GRAMD2B: variants seen among roughly 807,000 people sequenced by gnomAD.
GRAMD2B encodes GRAM domain containing 2B.
A neutral mutation model predicts 59.2 loss-of-function variants in GRAMD2B; 41 were observed. The ratio of observed to expected loss-of-function variants is 0.69; its 90% CI spans 0.54 to 0.90. The LOEUF (loss-of-function observed/expected upper bound fraction) is 0.90. Among genes scored for constraint, GRAMD2B ranks in the 40% least tolerant of loss-of-function variants. The pLI, the probability that GRAMD2B is intolerant of heterozygous loss-of-function variation, is 0.00. For missense variants in GRAMD2B, 424 were observed against 500.5 expected (o/e 0.85, Z 1.46); for synonymous variants, 161 against 182.7 (o/e 0.88, Z 0.96).
intron 1 of GRAMD2B, among the ~76,000 whole-genome samples, chr5:126,405,548 T>C (rs1758194074): frequency 6.6e-6 from 1 of 151,962 alleles, no homozygotes; most frequent in Non-Finnish European, 1.5e-5. Context: ...CCCCACTCCC[T>C]TTCTTTTGCT....
At position 126,410,614 on chromosome 5, in the gene GRAMD2B, A is replaced by G. The variant is rs1161235117; in HGVS notation, c.125+39047A>G. ...GCTGAAACAATGGGGTTTTCTAGAT[A>G]TACAATCATGTTATCTGGTAGTTCT... On this transcript the variant is annotated intron_variant, in intron 1 of 8. Coordinates refer to the GRAMD2B transcript ENST00000506445. 3.3e-5 allele frequency among the ~76,000 whole-genome samples: 5 copies of G among 152,122 alleles called. No individual in the cohort carries two copies. The East Asian group carries it at 9.7e-4, about 29-fold the overall frequency.
intron 1 of GRAMD2B, chr5:126,465,019 G>C (rs965330505): frequency 1.5e-5 from 15 of 996,440 alleles, no homozygotes; most frequent in Middle Eastern, 5.0e-4. Flanking sequence ...GCAAACAAAA[G>C]GGGTGGGGGT....
At chr5:126,445,276 C>A (rs1316897757) in intron 1 of GRAMD2B, among the ~76,000 whole-genome samples, 6 of 152,172 alleles carry the variant, frequency 3.9e-5, no homozygotes, top group Non-Finnish European at 8.8e-5. Flanking sequence ...TTGCCACACT[C>A]TCTTCCACAA....
At chr5:126,433,007 C>T (rs1262716981) in intron 1 of GRAMD2B, among the ~76,000 whole-genome samples, 1 of 152,176 alleles carries the variant, frequency 6.6e-6, no homozygotes, top group Non-Finnish European at 1.5e-5. Flanking sequence ...CCATGGGTAC[C>T]ATGCTAAGTG....
chr5:126,472,995 A>G (rs1054840241), intron 4 of GRAMD2B, among the ~76,000 whole-genome samples: 2 of 152,198 alleles, frequency 1.3e-5, no homozygotes, highest in Non-Finnish European at 2.9e-5. Flanking sequence ...AATAGAGGAG[A>G]CTTGTAAGAC....
At chr5:126,431,255 ATTG>A (rs1761534990) in intron 1 of GRAMD2B, among the ~76,000 whole-genome samples, 1 of 152,212 alleles carries the variant, frequency 6.6e-6, no homozygotes, top group Admixed American at 6.5e-5. Context: ...ATCTCGTGAG[ATTG>A]TTATGATTAA....
intron 1 of GRAMD2B, among the ~76,000 whole-genome samples, chr5:126,413,300 G>T (rs1474711171): frequency 3.9e-5 from 6 of 151,984 alleles, no homozygotes; most frequent in East Asian, 1.9e-4. Flanking sequence ...TTGGTATGTT[G>T]TGTCTCTGTT....
At chr5:126,407,301 A>G (rs1210707760) in intron 1 of GRAMD2B, among the ~76,000 whole-genome samples, 1 of 151,978 alleles carries the variant, frequency 6.6e-6, no homozygotes, top group African/African-American at 2.4e-5. Flanking sequence ...GACATGTGTT[A>G]AGATTGAAAA....
intron 1 of GRAMD2B, among the ~76,000 whole-genome samples, chr5:126,397,778 G>C (rs1330347470): frequency 4.6e-5 from 7 of 152,098 alleles, no homozygotes; most frequent in African/African-American, 1.4e-4. Context: ...TAGTTTGCTA[G>C]TTGAAAATTT....
intron 1 of GRAMD2B, among the ~76,000 whole-genome samples, chr5:126,413,184 G>C (rs1382527934): frequency 6.6e-6 from 1 of 151,792 alleles, no homozygotes; most frequent in Admixed American, 6.6e-5. Context: ...AGTTTCCCTG[G>C]GGGTGATGTT....
chr5:126,412,760 GT>G (rs949060410), intron 1 of GRAMD2B, among the ~76,000 whole-genome samples: 3 of 151,890 alleles, frequency 2.0e-5, no homozygotes, highest in Non-Finnish European at 2.9e-5. Context: ...TGATTGGTAG[GT>G]TTTTTATTAC....
chr5:126,465,627 A>G, intron 2 of GRAMD2B, 82 bp downstream of exon 2: 1 of 1,262,536 alleles, frequency 7.9e-7, no homozygotes. Context: ...TTTTTTGTTA[A>G]GAGTGAGGAT....
At chr5:126,390,593 T>A (rs1012050013) in intron 1 of GRAMD2B, among the ~76,000 whole-genome samples, 2 of 152,226 alleles carry the variant, frequency 1.3e-5, no homozygotes, top group Non-Finnish European at 2.9e-5. Flanking sequence ...CTGTCAGGAT[T>A]TTTTATGCTG....
chr5:126,453,661 G>C (rs966224021), intron 1 of GRAMD2B, among the ~76,000 whole-genome samples: 11 of 152,172 alleles, frequency 7.2e-5, no homozygotes, highest in Admixed American at 7.2e-4. Flanking sequence ...TGTGAAGTTA[G>C]TTTGATGAAA....
At chr5:126,438,510 C>T (rs1446441545) in intron 1 of GRAMD2B, among the ~76,000 whole-genome samples, 1 of 152,078 alleles carries the variant, frequency 6.6e-6, no homozygotes, top group Admixed American at 6.6e-5. Flanking sequence ...CTTCAAGTTT[C>T]AGTTTTCTTA....
intron 13 of GRAMD2B, chr5:126,490,440 C>A (rs1773708780): frequency 6.6e-6 from 1 of 152,268 alleles, no homozygotes; most frequent in African/African-American, 2.4e-5. Context: ...AGGTCTTGTG[C>A]AGGGTTCAGA....
rs575498862 is a variant in GRAMD2B, at chr5:126,486,575, C to T, written c.1059-298C>T. Among the ~76,000 whole-genome samples, 53 of 152,198 alleles carry T rather than the reference C, an allele frequency of 3.5e-4. 1 individual carries two copies. Among genetic ancestry groups the T allele is most frequent in the African/African-American group, 1.3e-3 (52 of 41,528 alleles). On this transcript the variant is annotated intron_variant, in intron 11 of 13. Transcript: ENST00000285689. ...CTCTTCTGGCAGAGGACGGTAGTACCGCAGGGAGGAGGAACACTGGCTTGG... is the reference window on the plus strand; with the variant it reads ...CTCTTCTGGCAGAGGACGGTAGTACTGCAGGGAGGAGGAACACTGGCTTGG...
At chr5:126,413,149 C>T (rs1758964245) in intron 1 of GRAMD2B, among the ~76,000 whole-genome samples, 1 of 151,800 alleles carries the variant, frequency 6.6e-6, no homozygotes, top group Non-Finnish European at 1.5e-5. Flanking sequence ...CTTCTAGTAA[C>T]TTAGGGTTTT....
chr5:126,487,624 G>A (rs1773191305), intron 12 of GRAMD2B, among the ~76,000 whole-genome samples: 2 of 152,176 alleles, frequency 1.3e-5, no homozygotes, highest in African/African-American at 4.8e-5. Flanking sequence ...TTGAAGTAGA[G>A]ATATTTCCTG....
Sources: gnomAD v4.1 joint callset for allele counts (sites outside exome capture counted in the v4.1 genomes callset) on GRCh38, gnomAD v4.1.1 for gene constraint, MANE v1.5 for transcripts, NCBI Gene and HGNC (gene_info 2026-07-23, HGNC 2026-07-21) for gene names.